SMARCC1: variants seen among roughly 807,000 people sequenced by gnomAD.
The protein encoded by SMARCC1 is SWI/SNF related BAF chromatin remodeling complex subunit C1.
SMARCC1 carries 43 observed loss-of-function variants against 147.4 expected under a neutral mutation model. The observed-to-expected ratio is 0.29, with a 90% confidence interval of 0.23 to 0.38. SMARCC1 has a LOEUF of 0.38. SMARCC1 is among the 10% of genes least tolerant of loss of function. The pLI is 1.00. For missense variants in SMARCC1, 1,119 were observed against 1,381.1 expected (o/e 0.81, Z 3.01); for synonymous variants, 495 against 484.4 (o/e 1.02, Z -0.29).
At chr3:47,668,161 A>C (rs1397476306) in intron 19 of SMARCC1, among the ~76,000 whole-genome samples, 3 of 152,142 alleles carry the variant, frequency 2.0e-5, no homozygotes, top group Non-Finnish European at 4.4e-5. Context: ...CAGAATTTCA[A>C]ACTTCCATAA....
intron 19 of SMARCC1, among the ~76,000 whole-genome samples, chr3:47,669,427 T>C (rs966089106): frequency 1.3e-5 from 2 of 152,232 alleles, no homozygotes; most frequent in African/African-American, 4.8e-5. Flanking sequence ...AGTGTGTTTA[T>C]AGTCACCCAC....
chr3:47,714,392 A>AT (rs748133706), intron 8 of SMARCC1, 23 bp downstream of exon 8: 140 of 1,434,144 alleles, frequency 9.8e-5, no homozygotes, highest in South Asian at 1.1e-4. Context: ...TTATTGTAAG[A>AT]TTTTTTTTGT....
intron 10 of SMARCC1, among the ~76,000 whole-genome samples, chr3:47,702,173 C>A (rs1437664552): frequency 1.4e-5 from 2 of 146,298 alleles, no homozygotes; most frequent in African/African-American, 5.1e-5. Context: ...ACTGCTCTTG[C>A]ACCAAAAATT....
intron 2 of SMARCC1, chr3:47,746,197 C>A: frequency 2.3e-6 from 1 of 437,032 alleles, no homozygotes; most frequent in South Asian, 3.8e-5. Context: ...GCCTGTAATC[C>A]CAACACTCTG....
intron 19 of SMARCC1, among the ~76,000 whole-genome samples, chr3:47,669,437 C>CA (rs943675310): frequency 3.3e-5 from 5 of 152,110 alleles, no homozygotes; most frequent in African/African-American, 1.2e-4. Context: ...TAGTCACCCA[C>CA]AAGTACTGAA....
At chr3:47,709,802 G>T (rs1192901056) in intron 9 of SMARCC1, among the ~76,000 whole-genome samples, 1 of 152,122 alleles carries the variant, frequency 6.6e-6, no homozygotes, top group Non-Finnish European at 1.5e-5. Flanking sequence ...TCAGTGTCAA[G>T]TCGTCTTCTA....
At chr3:47,614,108 T>A (rs1377208713) in intron 25 of SMARCC1, among the ~76,000 whole-genome samples, 1 of 152,218 alleles carries the variant, frequency 6.6e-6, no homozygotes. Flanking sequence ...TTTTCAATGC[T>A]TTGTATCAGT....
chr3:47,638,200 C>T (rs1307757802), intron 22 of SMARCC1, among the ~76,000 whole-genome samples: 2 of 152,150 alleles, frequency 1.3e-5, no homozygotes, highest in Non-Finnish European at 2.9e-5. Flanking sequence ...TCACGCCATT[C>T]TCCTGCCTCA....
rs1207095997 is a variant in SMARCC1, at chr3:47,633,777, T to TACAC, written c.2646+1412_2646+1413insGTGT. Among the ~76,000 whole-genome samples, 119 of 46,510 alleles carry TACAC rather than the reference T, an allele frequency of 2.6e-3. 1 individual carries two copies. Among genetic ancestry groups the TACAC allele is most frequent in the African/African-American group, 9.7e-3 (113 of 11,652 alleles). 30.5% of individuals were successfully genotyped at this position (46,510 alleles called of 152,430 possible). On this transcript the variant is annotated intron_variant, in intron 24 of 27. Coordinates refer to ENST00000254480, the MANE Select transcript of SMARCC1 (RefSeq NM_003074.4). ...AAAAAAAAAAAAATATATATATATA[T>TACAC]ATACACACACACACACACACACACA...
intron 21 of SMARCC1, among the ~76,000 whole-genome samples, chr3:47,646,285 T>G (rs1355557914): frequency 2.0e-5 from 3 of 152,216 alleles, no homozygotes; most frequent in African/African-American, 7.2e-5. Flanking sequence ...AGAAAAAGTC[T>G]CTCTTTGGTC....
At chr3:47,725,634 T>G (rs1018750593) in intron 6 of SMARCC1, among the ~76,000 whole-genome samples, 7 of 151,966 alleles carry the variant, frequency 4.6e-5, no homozygotes, top group Non-Finnish European at 7.4e-5. Flanking sequence ...GTGTTTTTAG[T>G]AGAGACGGGG....
chr3:47,637,267 TATA>T (rs1576395087), intron 22 of SMARCC1, among the ~76,000 whole-genome samples: 2 of 152,232 alleles, frequency 1.3e-5, no homozygotes, highest in East Asian at 3.9e-4. Flanking sequence ...ATGCAGGAAC[TATA>T]ATCAATTTCA....
intron 18 of SMARCC1, among the ~76,000 whole-genome samples, chr3:47,672,290 C>T (rs1355036134): frequency 1.3e-5 from 2 of 152,036 alleles, no homozygotes; most frequent in African/African-American, 2.4e-5. Flanking sequence ...TCTTGGCTCA[C>T]CGCAAGCTCC....
At chr3:47,687,559 C>A (rs1156368786) in intron 13 of SMARCC1, among the ~76,000 whole-genome samples, 3 of 152,196 alleles carry the variant, frequency 2.0e-5, no homozygotes, top group Non-Finnish European at 2.9e-5. Flanking sequence ...ATCCTCTTAT[C>A]TTTGGCATTA....
intron 6 of SMARCC1, among the ~76,000 whole-genome samples, chr3:47,727,073 T>C (rs897618397): frequency 6.6e-6 from 1 of 151,158 alleles, no homozygotes; most frequent in African/African-American, 2.4e-5. Context: ...ATTAGCTGGG[T>C]GTGGTGGTGC....
At position 47,625,064 on chromosome 3, in the gene SMARCC1, A is replaced by G. The variant is rs530088539; in HGVS notation, c.2647-2723T>C. 1.1e-4 allele frequency among the ~76,000 whole-genome samples: 16 copies of G among 152,186 alleles called. 1 individual carries two copies. The Middle Eastern group carries it at 0.014, about 129-fold the overall frequency. ...AATAAATTGAGACAAATGAAACAAG[A>G]CTGGTAAAAATTGATAACCAAAGCT... is the stretch of plus-strand genomic sequence containing the variant. On this transcript the variant is annotated intron_variant, in intron 24 of 27. Transcript: ENST00000254480.
At chr3:47,684,987 T>TGTTCTTATCATA (rs1453891009) in intron 14 of SMARCC1, among the ~76,000 whole-genome samples, 2 of 152,208 alleles carry the variant, frequency 1.3e-5, no homozygotes. Context: ...ACAGAAGATT[T>TGTTCTTATCATA]GTTCTTATCA....
chr3:47,747,487 A>AATATAAATATAAATATAAATATAAAAC (rs1559661625), intron 2 of SMARCC1, among the ~76,000 whole-genome samples: 20 of 149,668 alleles, frequency 1.3e-4, no homozygotes, highest in African/African-American at 4.4e-4. Context: ...AAATATAAAA[A>AATATAAATATAAATATAAATATAAAAC]TTAGCCAGGC....
rs573441367 is a variant in SMARCC1 at position 47,617,525 on chromosome 3, C to T, written c.2781+4682G>A. Reference sequence around the variant, plus strand: ...TTGCATAACGGGAGGCATATATTTACCAAACACTTACTATGTATGTGCTAG... The same window carrying T: ...TTGCATAACGGGAGGCATATATTTATCAAACACTTACTATGTATGTGCTAG... On this transcript the variant is annotated intron_variant, in intron 25 of 27. Transcript: ENST00000254480. Among the ~76,000 whole-genome samples the T allele has an allele frequency of 3.3e-5, 5 of 152,312 alleles. No homozygotes were observed. The South Asian group carries it at 1.0e-3, about 32-fold the overall frequency.
Sources: gnomAD v4.1 joint callset for allele counts (sites outside exome capture counted in the v4.1 genomes callset) on GRCh38, gnomAD v4.1.1 for gene constraint, MANE v1.5 for transcripts, NCBI Gene and HGNC (gene_info 2026-07-23, HGNC 2026-07-21) for gene names.